Variants in SCGN observed in about 807,000 individuals in gnomAD.
SCGN encodes the protein secretagogin.
SCGN carries 30 observed loss-of-function variants against 39.7 expected under a neutral mutation model. The observed-to-expected ratio is 0.76, with a 90% confidence interval of 0.57 to 1.03. The LOEUF is 1.03. Ranked by LOEUF, SCGN falls within the 50% of genes least tolerant of loss-of-function variation. The pLI is 0.00. For missense variants in SCGN, 353 were observed against 349.4 expected (o/e 1.01, Z -0.08); for synonymous variants, 106 against 114.1 (o/e 0.93, Z 0.45).
intron 6 of SCGN, among the ~76,000 whole-genome samples, chr6:25,677,843 A>G (rs1272519753): frequency 6.6e-6 from 1 of 152,230 alleles, no homozygotes; most frequent in African/African-American, 2.4e-5. Context: ...ATTGTTTTAA[A>G]AAGTCACAGA....
chr6:25,670,146 G>C, intron 6 of SCGN, 70 bp downstream of exon 6: 1 of 1,047,384 alleles, frequency 9.5e-7, no homozygotes, highest in Non-Finnish European at 1.5e-6. Context: ...CAGAAACAGT[G>C]TCTGCTAGAG....
chr6:25,661,653 A>C lies in SCGN; in HGVS notation c.246+9A>C. 1 of 1,585,866 alleles carries C rather than the reference A, an allele frequency of 6.3e-7. No individual in the cohort carries two copies. Among genetic ancestry groups the C allele is most frequent in the Non-Finnish European group, 8.7e-7 (1 of 1,154,550 alleles). On this transcript the variant is annotated intron_variant, in intron 3 of 10. Transcript: ENST00000377961. ...GCATTCGGATGAAAGAGGTAACTTTACTGACAGTATTTTTCATGGCTCTAC... is the reference window on the plus strand; with the variant it reads ...GCATTCGGATGAAAGAGGTAACTTTCCTGACAGTATTTTTCATGGCTCTAC...
intron 3 of SCGN, among the ~76,000 whole-genome samples, chr6:25,662,458 G>A (rs7754155): frequency 0.26 from 40,154 of 151,986 alleles, 5,311 homozygotes; most frequent in Non-Finnish European, 0.27. Context: ...ATGTGAAAAT[G>A]AGTCAATCTG....
At chr6:25,699,327 G>C (rs1759877882) in intron 10 of SCGN, among the ~76,000 whole-genome samples, 1 of 152,108 alleles carries the variant, frequency 6.6e-6, no homozygotes, top group African/African-American at 2.4e-5. Context: ...AATGGCTCAG[G>C]ACTCTAATCC....
In SCGN at chr6:25,690,601, GATAATTCTAAC is replaced by G. The variant is rs557088463; in HGVS notation, c.634-452_634-442del. ...AAAGGGTCTCATGTACAGACCAAAT[GATAATTCTAAC>G]ATGTTCATTCAATGTAGTCTCCCTG... On this transcript the variant is annotated intron_variant, in intron 9 of 10. Coordinates refer to ENST00000377961, the MANE Select transcript of SCGN (RefSeq NM_006998.4). Among the ~76,000 whole-genome samples the G allele has an allele frequency of 2.3e-4, 35 of 152,246 alleles. 1 individual carries two copies. In the East Asian group the frequency reaches 5.4e-3, roughly 23 times the overall value.
chr6:25,686,955 C>A (rs1260044412), intron 7 of SCGN, among the ~76,000 whole-genome samples: 1 of 151,988 alleles, frequency 6.6e-6, no homozygotes, highest in Non-Finnish European at 1.5e-5. Flanking sequence ...AATATTTTTC[C>A]TTACTGAATG....
intron 2 of SCGN, among the ~76,000 whole-genome samples, chr6:25,660,519 A>G (rs1272548047): frequency 6.6e-6 from 1 of 152,210 alleles, no homozygotes; most frequent in Non-Finnish European, 1.5e-5. Flanking sequence ...GTTTTAGGAC[A>G]TCTTGCACCT....
intron 4 of SCGN, among the ~76,000 whole-genome samples, chr6:25,665,482 C>A (rs1173814380): frequency 6.6e-6 from 1 of 152,186 alleles, no homozygotes; most frequent in Non-Finnish European, 1.5e-5. Context: ...CAAAACAATT[C>A]ATTAGAGTGC....
At chr6:25,697,913 A>T (rs1759858511) in intron 10 of SCGN, among the ~76,000 whole-genome samples, 1 of 152,222 alleles carries the variant, frequency 6.6e-6, no homozygotes. Context: ...CAGCTGTGTG[A>T]CAGTGGGCAA....
intron 7 of SCGN, among the ~76,000 whole-genome samples, chr6:25,685,644 A>G (rs1164126117): frequency 1.3e-5 from 2 of 151,122 alleles, no homozygotes; most frequent in African/African-American, 4.8e-5. Flanking sequence ...ACTGTATTCT[A>G]TTAAAGTATA....
At chr6:25,666,082 A>G (rs763625027) in intron 4 of SCGN, among the ~76,000 whole-genome samples, 27 of 151,376 alleles carry the variant, frequency 1.8e-4, no homozygotes, top group Non-Finnish European at 3.8e-4. Context: ...GCTCACGCCT[A>G]TAATTCCAGC....
At chr6:25,668,259 G>T (rs1759424485) in intron 4 of SCGN, among the ~76,000 whole-genome samples, 1 of 151,798 alleles carries the variant, frequency 6.6e-6, no homozygotes, top group Non-Finnish European at 1.5e-5. Context: ...TTTTGTACAA[G>T]AGTTAATGAG....
At chr6:25,669,635 T>G in intron 5 of SCGN, 68 bp downstream of exon 5, 10 of 1,322,940 alleles carry the variant, frequency 7.6e-6, no homozygotes, top group Non-Finnish European at 1.1e-5. Context: ...TATCATGAGT[T>G]TGATTTCTGT....
intron 2 of SCGN, among the ~76,000 whole-genome samples, 181 bp downstream of exon 2, chr6:25,653,633 T>A (rs145498926): frequency 1.4e-3 from 220 of 152,360 alleles, no homozygotes; most frequent in African/African-American, 4.7e-3. Flanking sequence ...AAGGTGCAAC[T>A]GTAGCATTAG....
At chr6:25,681,727 T>A (rs1402203572) in intron 6 of SCGN, among the ~76,000 whole-genome samples, 3 of 152,216 alleles carry the variant, frequency 2.0e-5, no homozygotes, top group African/African-American at 7.2e-5. Flanking sequence ...CTGTGTTGTG[T>A]TAAGCCACTG....
In SCGN at chr6:25,679,171, G is replaced by A. The variant is rs115351850; in HGVS notation, c.472-2780G>A. 1,413 of 153,788 alleles carry A rather than the reference G, an allele frequency of 9.2e-3. 19 individuals are homozygous for A. The highest frequency in any genetic ancestry group is 0.031 in the African/African-American group (1,282 of 41,510). The allele number at this position is 153,788 out of a possible 1,614,324, so 9.5% of individuals were successfully genotyped here. On this transcript the variant is annotated intron_variant, in intron 6 of 10. Coordinates refer to ENST00000377961, the MANE Select transcript of SCGN (RefSeq NM_006998.4). ...TCACTTCTGATTGTGTGGGTGCCCA[G>A]TAGAGTCCTCCAGGATGGACACTGG...
rs373357701 is a variant in SCGN, at chr6:25,701,288, C to A, written c.784C>A (p.Gln262Lys). The change falls in exon 11 of 11, where the codon CAG (glutamine) becomes AAG (lysine). Residue 262 changes from glutamine to lysine, a missense_variant. Physicochemically the swap from Gln to Lys is moderately conservative, Grantham distance 53. Transcript: ENST00000377961. ...CGACGTGAACAAGGATGGAAAAATT[C>A]AGAAGTCTGAGCTGGCTTTGTGTCT... Reference protein sequence around the residue: ...HCDVNKDGKIQKSELALCLGL... With the variant: ...HCDVNKDGKIKKSELALCLGL... The A allele has an allele frequency of 2.5e-6, 4 of 1,613,498 alleles. No individual in the cohort carries two copies. The highest frequency in any genetic ancestry group is 3.4e-6 in the Non-Finnish European group (4 of 1,179,754).
intron 10 of SCGN, among the ~76,000 whole-genome samples, chr6:25,698,011 A>C (rs1432453806): frequency 1.3e-5 from 2 of 152,206 alleles, no homozygotes; most frequent in Non-Finnish European, 2.9e-5. Flanking sequence ...TCTGAAGATT[A>C]GAGTTAATAT....
chr6:25,697,514 A>G (rs555698431), intron 10 of SCGN, among the ~76,000 whole-genome samples: 12 of 152,350 alleles, frequency 7.9e-5, no homozygotes, highest in East Asian at 5.8e-4. Flanking sequence ...AGATTTGTGA[A>G]GTGCTGGTTA....
Sources: gnomAD v4.1 joint callset for allele counts (sites outside exome capture counted in the v4.1 genomes callset) on GRCh38, gnomAD v4.1.1 for gene constraint, MANE v1.5 for transcripts, NCBI Gene and HGNC (gene_info 2026-07-23, HGNC 2026-07-21) for gene names.